ZSWIM6: variants seen among roughly 807,000 people sequenced by gnomAD.
ZSWIM6 encodes zinc finger SWIM domain-containing protein 6.
Under a neutral mutation model 113.2 loss-of-function variants are expected in ZSWIM6, and 9 were observed. That is an observed-to-expected ratio of 0.08 (90% CI 0.05 to 0.14). ZSWIM6 has a LOEUF of 0.14. ZSWIM6 is among the 10% of genes least tolerant of loss of function. ZSWIM6 has a pLI of 1.00. For missense variants in ZSWIM6, 1,162 were observed against 1,552.2 expected (o/e 0.75, Z 4.22); for synonymous variants, 611 against 606.5 (o/e 1.01, Z -0.11).
At chr5:61,381,922 A>G (rs1213673133) in intron 1 of ZSWIM6, among the ~76,000 whole-genome samples, 1 of 152,220 alleles carries the variant, frequency 6.6e-6, no homozygotes, top group East Asian at 1.9e-4. Flanking sequence ...ATCTTTCTTG[A>G]TATAACAAAT....
At chr5:61,333,644 AGGAGAGGTGGCGGC>A (rs974482052) in intron 1 of ZSWIM6, among the ~76,000 whole-genome samples, 40 of 149,338 alleles carry the variant, frequency 2.7e-4, no homozygotes, top group African/African-American at 9.2e-4. Context: ...AGCGGCGCAG[AGGAGAGGTGGCGGC>A]GGACCGGACT....
intron 13 of ZSWIM6, among the ~76,000 whole-genome samples, chr5:61,542,907 G>A (rs1184440728): frequency 3.9e-5 from 6 of 152,144 alleles, no homozygotes; most frequent in Non-Finnish European, 8.8e-5. Flanking sequence ...GTCTGTGAAC[G>A]TAAAGTGATT....
chr5:61,402,858 A>G (rs901789536), intron 1 of ZSWIM6, among the ~76,000 whole-genome samples: 1 of 152,240 alleles, frequency 6.6e-6, no homozygotes, highest in Non-Finnish European at 1.5e-5. Flanking sequence ...TGAACCTTAT[A>G]TCTAAATGAA....
At chr5:61,333,315 C>T (rs1486252646) in intron 1 of ZSWIM6, among the ~76,000 whole-genome samples, 1 of 151,340 alleles carries the variant, frequency 6.6e-6, no homozygotes, top group African/African-American at 2.4e-5. Flanking sequence ...GGCCGGCCTC[C>T]GGCGAGGGTG....
At chr5:61,338,406 C>T (rs1186713978) in intron 1 of ZSWIM6, among the ~76,000 whole-genome samples, 1 of 152,110 alleles carries the variant, frequency 6.6e-6, no homozygotes, top group East Asian at 1.9e-4. Flanking sequence ...TCAGATCCTA[C>T]CCTTTTTCTG....
chr5:61,535,746 G>T, intron 10 of ZSWIM6, 127 bp downstream of exon 10: 1 of 1,232,988 alleles, frequency 8.1e-7, no homozygotes, highest in Non-Finnish European at 1.1e-6. Context: ...ATGTATTTAT[G>T]CTTCCTGTAT....
chr5:61,542,141 T>TTC, intron 13 of ZSWIM6, among the ~76,000 whole-genome samples, 176 bp downstream of exon 13: 1 of 152,374 alleles, frequency 6.6e-6, no homozygotes, highest in East Asian at 1.9e-4. Flanking sequence ...CAGTTATACA[T>TTC]ACTTGTATTA....
At chr5:61,496,081 G>A (rs962781654) in intron 4 of ZSWIM6, among the ~76,000 whole-genome samples, 20 of 152,042 alleles carry the variant, frequency 1.3e-4, no homozygotes, top group African/African-American at 3.9e-4. Flanking sequence ...TGAAAATTAC[G>A]TACCTTAACC....
At chr5:61,353,020 T>C (rs1267708391) in intron 1 of ZSWIM6, among the ~76,000 whole-genome samples, 3 of 152,240 alleles carry the variant, frequency 2.0e-5, no homozygotes, top group South Asian at 2.1e-4. Context: ...AACTTTTTTT[T>C]CCCCGTCTGT....
intron 1 of ZSWIM6, among the ~76,000 whole-genome samples, chr5:61,451,775 A>C (rs1747091267): frequency 6.6e-6 from 1 of 152,180 alleles, no homozygotes; most frequent in Non-Finnish European, 1.5e-5. Flanking sequence ...TTCTAGATTC[A>C]TTCAAGAAAG....
intron 1 of ZSWIM6, among the ~76,000 whole-genome samples, chr5:61,457,649 G>A (rs1356765417): frequency 6.6e-6 from 1 of 152,038 alleles, no homozygotes; most frequent in Non-Finnish European, 1.5e-5. Flanking sequence ...AGCCTCCTGA[G>A]TAGCTGGGAT....
chr5:61,519,357 C>T lies in ZSWIM6; in HGVS notation c.1334-1906C>T, dbSNP rs536925395. Among the ~76,000 whole-genome samples the T allele has an allele frequency of 5.3e-5, 8 of 152,184 alleles. No individual in the cohort carries two copies. The South Asian group carries it at 1.7e-3, about 32-fold the overall frequency. On this transcript the variant is annotated intron_variant, in intron 4 of 13. Coordinates refer to ENST00000252744, the MANE Select transcript of ZSWIM6 (RefSeq NM_020928.2). ...TGCTTACACCAGCTCAATAAGCGTTCTCAAGTTTTTGCTGCATGTGTCGTT... is the reference window on the plus strand; with the variant it reads ...TGCTTACACCAGCTCAATAAGCGTTTTCAAGTTTTTGCTGCATGTGTCGTT...
chr5:61,350,395 T>A (rs1025302124), intron 1 of ZSWIM6, among the ~76,000 whole-genome samples: 4 of 152,130 alleles, frequency 2.6e-5, no homozygotes, highest in African/African-American at 9.7e-5. Flanking sequence ...TTTTTTGGGA[T>A]TGAAAGGTGA....
intron 1 of ZSWIM6, among the ~76,000 whole-genome samples, chr5:61,420,743 G>T (rs944959536): frequency 2.0e-5 from 3 of 151,984 alleles, no homozygotes; most frequent in African/African-American, 7.3e-5. Flanking sequence ...TACAGGCATG[G>T]AACATGTAAT....
intron 1 of ZSWIM6, among the ~76,000 whole-genome samples, chr5:61,439,980 T>C (rs1746791339): frequency 6.6e-6 from 1 of 152,146 alleles, no homozygotes; most frequent in African/African-American, 2.4e-5. Flanking sequence ...AGGAATATGC[T>C]TGAAATGCCA....
chr5:61,537,267 G>A (rs143200160), intron 10 of ZSWIM6, among the ~76,000 whole-genome samples: 1 of 152,208 alleles, frequency 6.6e-6, no homozygotes, highest in African/African-American at 2.4e-5. Context: ...GGGAATACTA[G>A]CAGGGTACAG....
At chr5:61,532,863 C>T (rs1286634362) in intron 9 of ZSWIM6, among the ~76,000 whole-genome samples, 1 of 152,106 alleles carries the variant, frequency 6.6e-6, no homozygotes, top group Non-Finnish European at 1.5e-5. Flanking sequence ...TGTTTTCTTT[C>T]AGTTTTCTCC....
chr5:61,424,615 C>G (rs1746426139), intron 1 of ZSWIM6, among the ~76,000 whole-genome samples: 1 of 152,128 alleles, frequency 6.6e-6, no homozygotes, highest in African/African-American at 2.4e-5. Context: ...TTGGGCTGTT[C>G]CAGCTCTGGT....
intron 1 of ZSWIM6, among the ~76,000 whole-genome samples, chr5:61,348,488 A>G (rs1322732185): frequency 6.6e-6 from 1 of 152,170 alleles, no homozygotes; most frequent in Non-Finnish European, 1.5e-5. Context: ...TTCCTGTTAA[A>G]GATAGGAAAC....
Sources: allele counts gnomAD v4.1 joint callset (sites outside exome capture counted in the v4.1 genomes callset), GRCh38; gene constraint gnomAD v4.1.1; transcripts MANE v1.5; gene names NCBI Gene and HGNC (gene_info 2026-07-23, HGNC 2026-07-21).